EPSTI1: variants seen among roughly 807,000 people sequenced by gnomAD.
The protein encoded by EPSTI1 is epithelial-stromal interaction protein 1.
EPSTI1 carries 66 observed loss-of-function variants against 49.9 expected under a neutral mutation model. That is an observed-to-expected ratio of 1.32 (90% CI 1.08 to 1.62). The LOEUF (loss-of-function observed/expected upper bound fraction) is 1.62. Among genes scored for constraint, EPSTI1 ranks in the 40% most tolerant of loss-of-function variants. The probability of loss-of-function intolerance (pLI) is 0.00; values close to 1 mark genes in which losing one functional copy is unlikely to be tolerated. For synonymous variants in EPSTI1, 137 were observed against 130.7 expected, an observed-to-expected ratio of 1.05 and a Z score of -0.33; for missense variants, 394 against 365.5, an observed-to-expected ratio of 1.08 and a Z score of -0.64.
chr13:42,895,085 C>T lies in EPSTI1; in HGVS notation c.839G>A (p.Arg280Gln), dbSNP rs142470547. 2.9e-5 allele frequency: 46 copies of T among 1,612,812 alleles called. No individual in the cohort carries two copies. Among genetic ancestry groups the T allele is most frequent in the Admixed American group, 5.0e-5 (3 of 59,894 alleles). Residue 280 changes from arginine to glutamine, a missense_variant, in exon 10 of 11, where the codon CGA becomes CAA. By Grantham distance (43) the Arg-to-Gln change is conservative. Coordinates refer to ENST00000313624, the MANE Select transcript of EPSTI1 (RefSeq NM_033255.5). ...ACCTGGTTGACTTTTGCCTTGGAGT[C>T]GGTCCAGAAAAGCATTATTTACCCT... The part of the protein sequence containing the change: ...HRRVNNAFLD[R>Q]LQGKSQPGGL...
intron 2 of EPSTI1, 131 bp from the exon 3 acceptor site, chr13:42,969,308 G>A: frequency 2.3e-6 from 2 of 862,784 alleles, no homozygotes; most frequent in African/African-American, 1.7e-5. Context: ...AAGGCTTCCA[G>A]GTTAGAAACA....
chr13:42,956,734 C>T (rs2153429516), intron 5 of EPSTI1, among the ~76,000 whole-genome samples: 1 of 152,220 alleles, frequency 6.6e-6, no homozygotes, highest in Middle Eastern at 3.4e-3. Context: ...AAGGGGCATT[C>T]CCAGAACTTA....
chr13:42,962,619 C>CA (rs67950561), intron 5 of EPSTI1, among the ~76,000 whole-genome samples: 23,342 of 132,736 alleles, frequency 0.18, 2,594 homozygotes, highest in South Asian at 0.3. Context: ...ACAAAAAATA[C>CA]AAAAAAAAAA....
At position 42,894,963 on chromosome 13, in the gene EPSTI1, A is replaced by G. The variant is rs370627759; in HGVS notation, c.915+46T>C. On this transcript the variant is annotated intron_variant, in intron 10 of 10. Coordinates refer to ENST00000313624, the MANE Select transcript of EPSTI1 (RefSeq NM_033255.5). ...TATATTAAAAATTCTCATTGTTTTTATTCTTCAACATTGAAAGATGATTTA... is the reference window on the plus strand; with the variant it reads ...TATATTAAAAATTCTCATTGTTTTTGTTCTTCAACATTGAAAGATGATTTA... 19 of 1,480,018 alleles carry G rather than the reference A, an allele frequency of 1.3e-5. No homozygotes were observed. The African/African-American group carries it at 2.4e-4, about 19-fold the overall frequency. 91.7% of individuals were successfully genotyped at this position (1,480,018 alleles called of 1,614,324 possible). A position where few individuals can be genotyped will look rare whatever the true frequency, so the allele number is the denominator to read the frequency against.
At chr13:42,974,315 G>A (rs145336026) in intron 1 of EPSTI1, among the ~76,000 whole-genome samples, 10 of 150,126 alleles carry the variant, frequency 6.7e-5, no homozygotes, top group African/African-American at 1.7e-4. Context: ...CAGCCTGGCC[G>A]ATAACAGTGA....
chr13:42,903,673 T>C (rs774856988), intron 8 of EPSTI1, among the ~76,000 whole-genome samples: 10 of 152,086 alleles, frequency 6.6e-5, no homozygotes, highest in Non-Finnish European at 1.5e-4. Flanking sequence ...GGTGACAGAG[T>C]TTCATGAATG....
At position 42,917,539 on chromosome 13, in the gene EPSTI1, AC is replaced by A; in HGVS notation, c.741+1del. 1 of 1,584,228 alleles carries A rather than the reference AC, an allele frequency of 6.3e-7. No individual in the cohort carries two copies. The highest frequency in any genetic ancestry group is 8.6e-7 in the Non-Finnish European group (1 of 1,160,888). On this transcript the variant is annotated splice_donor_variant, in intron 8 of 10. Coordinates refer to ENST00000313624, the MANE Select transcript of EPSTI1 (RefSeq NM_033255.5). LOFTEE classifies it high-confidence loss of function. ...CAATAACTAGTAGGGGCTTGTAAGT[AC>A]CTTTTGATGTTGTTCATCCTTCATC...
At chr13:42,920,145 A>T (rs907214312) in intron 7 of EPSTI1, among the ~76,000 whole-genome samples, 3 of 152,176 alleles carry the variant, frequency 2.0e-5, no homozygotes, top group Non-Finnish European at 4.4e-5. Flanking sequence ...CTCTGTAAAG[A>T]TGCTATCTCT....
At chr13:42,971,152 T>G (rs1594751453) in intron 1 of EPSTI1, among the ~76,000 whole-genome samples, 1 of 152,238 alleles carries the variant, frequency 6.6e-6, no homozygotes, top group South Asian at 2.1e-4. Flanking sequence ...TCTAGGCCTA[T>G]GTCCACTGGT....
chr13:42,924,644 G>A (rs2038117368), intron 7 of EPSTI1, among the ~76,000 whole-genome samples: 1 of 152,136 alleles, frequency 6.6e-6, no homozygotes, highest in African/African-American at 2.4e-5. Context: ...ATCTACACAT[G>A]ATTTAACTCC....
At chr13:42,901,896 C>A (rs1437714507) in intron 8 of EPSTI1, among the ~76,000 whole-genome samples, 1 of 151,910 alleles carries the variant, frequency 6.6e-6, no homozygotes, top group East Asian at 1.9e-4. Flanking sequence ...AGGTATATCT[C>A]CCAATGCTAT....
rs1321539813 is a variant in EPSTI1, at chr13:42,916,600, C to G, written c.741+941G>C. 2.6e-5 allele frequency among the ~76,000 whole-genome samples: 4 copies of G among 152,080 alleles called. No homozygotes were observed. In the East Asian group the frequency reaches 7.7e-4, roughly 29 times the overall value. On this transcript the variant is annotated intron_variant, in intron 8 of 10. Transcript: ENST00000313624. ...CCTTGTTGGGGAAAGACAAAGAAAA[C>G]ATAAATTAAACCAAATCAAGGAAAT...
chr13:42,939,537 G>A (rs751139150), intron 6 of EPSTI1, among the ~76,000 whole-genome samples: 1 of 152,176 alleles, frequency 6.6e-6, no homozygotes, highest in Non-Finnish European at 1.5e-5. Context: ...ATCCAAAGAG[G>A]AGAGAGAGAT....
chr13:42,986,656 A>C (rs1174388359), intron 1 of EPSTI1, among the ~76,000 whole-genome samples: 1 of 147,662 alleles, frequency 6.8e-6, no homozygotes, highest in Non-Finnish European at 1.5e-5. Context: ...GAGGCAGGAG[A>C]ATTGCTTGAA....
rs182755921 is a variant in EPSTI1, at chr13:42,941,397, A to G, written c.563+12551T>C. Among the ~76,000 whole-genome samples the G allele has an allele frequency of 6.2e-4, 94 of 152,256 alleles. 1 individual carries two copies. The highest frequency in any genetic ancestry group is 9.8e-4 in the Non-Finnish European group (67 of 68,026). On this transcript the variant is annotated intron_variant, in intron 6 of 10. Transcript: ENST00000313624. ...TAAAGTTTTTAGTCTTTTATCTCAA[A>G]GTAATTTCAGTTTTGGTTTTAATTT...
Position 42,964,137 on chromosome 13 carries a change from C to T in EPSTI1, c.334G>A (p.Gly112Arg), listed in dbSNP as rs1325095240. Reference protein sequence around the residue: ...PVHLVPRRLGGSQSETEVRQK... With the variant: ...PVHLVPRRLGRSQSETEVRQK... ...CTGACTTCAGTTTCTGACTGGCTTC[C>T]ACCTTAGGAAAAAAAAATCCATGAA... is the stretch of plus-strand genomic sequence containing the variant. Residue 112 changes from glycine to arginine, a missense_variant and splice_region_variant, in exon 4 of 11, where the codon GGA becomes AGA. Transcript: ENST00000313624. 1.2e-6 allele frequency: 2 copies of T among 1,611,784 alleles called. No individual in the cohort carries two copies. Among genetic ancestry groups the T allele is most frequent in the South Asian group, 1.1e-5 (1 of 90,778 alleles).
intron 1 of EPSTI1, among the ~76,000 whole-genome samples, chr13:42,983,563 C>CAAAAAAAAAAA (rs56259281): frequency 0.011 from 1,057 of 95,404 alleles, 39 homozygotes; most frequent in African/African-American, 0.016. Context: ...GACTCCATCT[C>CAAAAAAAAAAA]AAAAAAAAAA....
At chr13:42,892,972 T>C (rs1048647254) in intron 10 of EPSTI1, among the ~76,000 whole-genome samples, 1 of 152,156 alleles carries the variant, frequency 6.6e-6, no homozygotes, top group African/African-American at 2.4e-5. Flanking sequence ...TGATTCACCA[T>C]GACAAAGAAT....
chr13:42,917,941 A>G (rs1357536897), intron 7 of EPSTI1, among the ~76,000 whole-genome samples: 3 of 152,206 alleles, frequency 2.0e-5, no homozygotes, highest in Admixed American at 2.0e-4. Flanking sequence ...CTTCTAGTGG[A>G]AAGTTTAGGA....
Sources: gnomAD v4.1 joint callset for allele counts (sites outside exome capture counted in the v4.1 genomes callset) on GRCh38, gnomAD v4.1.1 for gene constraint, MANE v1.5 for transcripts, NCBI Gene and HGNC (gene_info 2026-07-23, HGNC 2026-07-21) for gene names.